POLDIP3: variants seen among roughly 807,000 people sequenced by gnomAD.
POLDIP3 encodes the protein polymerase delta-interacting protein 3.
In POLDIP3, 14 loss-of-function variants were observed where a neutral mutation model predicts 45.1. That is an observed-to-expected ratio of 0.31 (90% CI 0.20 to 0.49). POLDIP3 has a LOEUF of 0.49. POLDIP3 is among the 20% of genes least tolerant of loss of function. The pLI, the probability that POLDIP3 is intolerant of heterozygous loss-of-function variation, is 0.99. For synonymous variants in POLDIP3, 223 were observed against 205.2 expected, an observed-to-expected ratio of 1.09 and a Z score of -0.74; for missense variants, 511 against 538.8, an observed-to-expected ratio of 0.95 and a Z score of 0.51.
chr22:42,585,067 G>C lies in POLDIP3; in HGVS notation c.*724C>G, dbSNP rs1367388978. 1 of 451,698 alleles carries C rather than the reference G, an allele frequency of 2.2e-6. No individual in the cohort carries two copies. The highest frequency in any genetic ancestry group is 7.0e-5 in the East Asian group (1 of 14,384). The allele number at this position is 451,698 out of a possible 1,614,324, so 28.0% of individuals were successfully genotyped here. A position where few individuals can be genotyped will look rare whatever the true frequency, so the allele number is the denominator to read the frequency against. ...AGACACCCAGAAGGGAAAGAGAGCT[G>C]GGGTGGGGCATTCAGCACAACTCAA... On this transcript the variant is annotated 3_prime_UTR_variant, in exon 9 of 9. Transcript: ENST00000252115.
intron 3 of POLDIP3, 117 bp from the exon 4 acceptor site, chr22:42,599,910 T>C (rs1311180984): frequency 1.4e-6 from 1 of 722,902 alleles, no homozygotes; most frequent in African/African-American, 1.8e-5. Flanking sequence ...CAAGGAGAAG[T>C]GGGCACAGGG....
In POLDIP3 at chr22:42,591,832, T is replaced by C; in HGVS notation, c.1021+123A>G. ...TCAGAGACTGCACGGCAGTTCCTGG[T>C]GCAGACGAGGCCCCAGAGATGGGTT... is the stretch of plus-strand genomic sequence containing the variant. On this transcript the variant is annotated intron_variant, in intron 7 of 8. Coordinates refer to ENST00000252115, the MANE Select transcript of POLDIP3 (RefSeq NM_032311.5). 3.8e-6 allele frequency: 5 copies of C among 1,306,898 alleles called. No individual in the cohort carries two copies. In the South Asian group the frequency reaches 6.8e-5, roughly 18 times the overall value. The allele number at this position is 1,306,898 out of a possible 1,614,324, so 81.0% of individuals were successfully genotyped here. A position where few individuals can be genotyped will look rare whatever the true frequency, so the allele number is the denominator to read the frequency against.
chr22:42,591,897 C>A, intron 7 of POLDIP3, 58 bp downstream of exon 7: 1 of 1,608,220 alleles, frequency 6.2e-7, no homozygotes, highest in Non-Finnish European at 8.5e-7. Context: ...AGGCCTGCTA[C>A]CTGACAGCAA....
At chr22:42,601,459 C>T (rs928648018) in intron 3 of POLDIP3, among the ~76,000 whole-genome samples, 1 of 151,652 alleles carries the variant, frequency 6.6e-6, no homozygotes, top group Non-Finnish European at 1.5e-5. Flanking sequence ...GCCTCCCTTC[C>T]TCTATTAAGA....
Position 42,614,807 on chromosome 22 carries a change from C to T in POLDIP3, c.51G>A (p.Ala17=), listed in dbSNP as rs1927380021. ...DELIRKRGAA[A]KGRLNARPGV... is the part of the protein sequence containing the mutation. ...AAGGAAAGGCCTCTCACCGTCCTTT[C>T]GCCGCCGCCCCGCGCTTCCTGATGA... Residue 17 remains alanine, a synonymous_variant, in exon 1 of 9, where the codon GCG becomes GCA. Transcript: ENST00000252115. The T allele has an allele frequency of 6.2e-7, 1 of 1,614,056 alleles. No individual in the cohort carries two copies. Among genetic ancestry groups the T allele is most frequent in the Non-Finnish European group, 8.5e-7 (1 of 1,179,910 alleles).
chr22:42,587,742 A>G (rs1925403258), intron 7 of POLDIP3, among the ~76,000 whole-genome samples, 170 bp from the exon 8 acceptor site: 1 of 152,192 alleles, frequency 6.6e-6, no homozygotes, highest in South Asian at 2.1e-4. Flanking sequence ...ACACTAAGAA[A>G]ATCCCAGGGC....
intron 3 of POLDIP3, among the ~76,000 whole-genome samples, chr22:42,600,409 G>C (rs1334070318): frequency 7.0e-6 from 1 of 142,990 alleles, no homozygotes; most frequent in Admixed American, 7.0e-5. Context: ...GGCGGATCAC[G>C]AGGTCAGGAG....
chr22:42,608,714 C>T (rs769014394), intron 1 of POLDIP3, among the ~76,000 whole-genome samples: 1 of 151,980 alleles, frequency 6.6e-6, no homozygotes. Context: ...GCCTGCCTGG[C>T]AGGAAGGACC....
chr22:42,609,831 A>T (rs1352654986), intron 1 of POLDIP3, among the ~76,000 whole-genome samples: 22 of 152,164 alleles, frequency 1.4e-4, no homozygotes. Context: ...CTGAGGGTCA[A>T]CTCTGAATTA....
intron 1 of POLDIP3, among the ~76,000 whole-genome samples, chr22:42,606,342 G>C (rs1164635682): frequency 6.6e-6 from 1 of 151,800 alleles, no homozygotes; most frequent in Non-Finnish European, 1.5e-5. Flanking sequence ...GCAACATAGC[G>C]AGACTCCCTG....
chr22:42,608,240 A>C (rs905641499), intron 1 of POLDIP3, among the ~76,000 whole-genome samples: 1 of 148,482 alleles, frequency 6.7e-6, no homozygotes, highest in African/African-American at 2.5e-5. Context: ...GGATGCTGTT[A>C]ATCTATAACC....
intron 1 of POLDIP3, among the ~76,000 whole-genome samples, chr22:42,608,257 C>G (rs1239744694): frequency 6.2e-5 from 8 of 128,134 alleles, no homozygotes; most frequent in Non-Finnish European, 1.1e-4. Context: ...AACCTTACCC[C>G]CCCCCCCAAA....
chr22:42,607,972 G>A (rs911395725), intron 1 of POLDIP3, among the ~76,000 whole-genome samples: 9 of 151,084 alleles, frequency 6.0e-5, no homozygotes, highest in East Asian at 2.0e-4. Context: ...CGCCCTGTTC[G>A]GGAGGTGGGG....
intron 1 of POLDIP3, among the ~76,000 whole-genome samples, chr22:42,613,915 G>A (rs1189843594): frequency 1.3e-5 from 2 of 152,188 alleles, no homozygotes; most frequent in Non-Finnish European, 2.9e-5. Context: ...TCTTCATACA[G>A]ATGAACTCAG....
Position 42,585,216 on chromosome 22 carries a change from G to A in POLDIP3, c.*575C>T, listed in dbSNP as rs1408924231. 1 of 512,578 alleles carries A rather than the reference G, an allele frequency of 2.0e-6. No homozygotes were observed. The highest frequency in any genetic ancestry group is 3.9e-6 in the Non-Finnish European group (1 of 257,272). 31.8% of individuals were successfully genotyped at this position (512,578 alleles called of 1,614,324 possible). ...CTCATCCTGCCCTTGCCACTAGTGA[G>A]GCCTGGAGCCACTGGGGAGAGGACA... is the stretch of plus-strand genomic sequence containing the variant. On this transcript the variant is annotated 3_prime_UTR_variant, in exon 9 of 9. Coordinates refer to ENST00000252115, the MANE Select transcript of POLDIP3 (RefSeq NM_032311.5).
chr22:42,607,619 T>G (rs545439012), intron 1 of POLDIP3, among the ~76,000 whole-genome samples: 4 of 145,820 alleles, frequency 2.7e-5, no homozygotes, highest in African/African-American at 1.0e-4. Context: ...GTCTGGGAAG[T>G]GAGGAGCGCC....
intron 7 of POLDIP3, among the ~76,000 whole-genome samples, chr22:42,589,242 CAAA>C (rs548287361): frequency 1.5e-5 from 1 of 64,650 alleles, no homozygotes; most frequent in Non-Finnish European, 3.0e-5. Context: ...GACTCCGTCT[CAAA>C]AAAAAAAAAA....
intron 3 of POLDIP3, among the ~76,000 whole-genome samples, 195 bp downstream of exon 3, chr22:42,601,775 A>T (rs1569301865): frequency 2.0e-5 from 3 of 152,108 alleles, no homozygotes; most frequent in East Asian, 1.9e-4. Context: ...ATAAAAAAAT[A>T]AAAAAAATTT....
intron 8 of POLDIP3, 21 bp downstream of exon 8, chr22:42,587,485 C>T (rs978182767): frequency 6.2e-7 from 1 of 1,607,178 alleles, no homozygotes; most frequent in South Asian, 1.1e-5. Flanking sequence ...CTCTCCCCAG[C>T]ACCCCGCCTT....
Sources: gnomAD v4.1 joint callset for allele counts (sites outside exome capture counted in the v4.1 genomes callset) on GRCh38, gnomAD v4.1.1 for gene constraint, MANE v1.5 for transcripts, NCBI Gene and HGNC (gene_info 2026-07-23, HGNC 2026-07-21) for gene names.